SCD5: variants seen among roughly 807,000 people sequenced by gnomAD.
SCD5 encodes the protein acyl-CoA-desaturase 4.
In SCD5, 20 loss-of-function variants were observed where a neutral mutation model predicts 30.4. That is an observed-to-expected ratio of 0.66 (90% CI 0.46 to 0.96). SCD5 has a LOEUF of 0.96. Among genes scored for constraint, SCD5 ranks in the 40% least tolerant of loss-of-function variants. The pLI is 0.00. For missense variants in SCD5, 381 were observed against 443.3 expected (o/e 0.86, Z 1.26); for synonymous variants, 173 against 176.4 (o/e 0.98, Z 0.16).
chr4:82,771,130 C>A (rs1204027371), intron 1 of SCD5, among the ~76,000 whole-genome samples: 2 of 152,094 alleles, frequency 1.3e-5, no homozygotes, highest in African/African-American at 2.4e-5. Context: ...CCATGCCTGG[C>A]TAATGTTTTT....
At chr4:82,730,462 A>C (rs1720612340) in intron 1 of SCD5, among the ~76,000 whole-genome samples, 4 of 150,290 alleles carry the variant, frequency 2.7e-5, no homozygotes, top group Non-Finnish European at 5.9e-5. Context: ...ATGCCTGGCT[A>C]ATTTTTTGTA....
intron 2 of SCD5, among the ~76,000 whole-genome samples, chr4:82,687,581 A>G (rs1031993295): frequency 5.9e-5 from 9 of 152,152 alleles, no homozygotes; most frequent in African/African-American, 2.2e-4. Flanking sequence ...TAATCAACCA[A>G]TCACACGTCA....
intron 2 of SCD5, among the ~76,000 whole-genome samples, chr4:82,692,808 C>G (rs933322186): frequency 4.6e-5 from 7 of 152,232 alleles, no homozygotes; most frequent in Non-Finnish European, 1.0e-4. Context: ...CGCTGAGGAA[C>G]AGCAGCCCTC....
chr4:82,710,587 C>G (rs753911154), intron 1 of SCD5, among the ~76,000 whole-genome samples: 1 of 152,124 alleles, frequency 6.6e-6, no homozygotes, highest in Non-Finnish European at 1.5e-5. Context: ...GGGAAGCCAA[C>G]AGAGGGTGAA....
At chr4:82,754,478 T>C (rs888543484) in intron 1 of SCD5, among the ~76,000 whole-genome samples, 7 of 152,014 alleles carry the variant, frequency 4.6e-5, no homozygotes, top group African/African-American at 1.4e-4. Context: ...GTCTGGGTGG[T>C]CCTAAGAGGG....
chr4:82,733,988 C>T (rs1474821297), intron 1 of SCD5, among the ~76,000 whole-genome samples: 1 of 152,098 alleles, frequency 6.6e-6, no homozygotes, highest in Non-Finnish European at 1.5e-5. Flanking sequence ...AGAAAAATGG[C>T]CACTATTACA....
At chr4:82,655,172 T>G (rs1476303239) in intron 3 of SCD5, among the ~76,000 whole-genome samples, 1 of 152,244 alleles carries the variant, frequency 6.6e-6, no homozygotes. Flanking sequence ...TTCATAAGCA[T>G]GTGCCTTTTC....
Position 82,631,468 on chromosome 4 carries a change from C to T in SCD5, c.852G>A (p.Ala284=), listed in dbSNP as rs539845177. 12 of 1,613,998 alleles carry T rather than the reference C, an allele frequency of 7.4e-6. No individual in the cohort carries two copies. Among genetic ancestry groups the T allele is most frequent in the South Asian group, 5.5e-5 (5 of 91,078 alleles). ...GGTTAAAATTTAAGCCAAATTCACT[C>T]GCAGAGTAGTCAAAGGGAAAGGTGT... ...YHHTFPFDYS[A]SEFGLNFNPT... The change falls in exon 5 of 5, where the codon GCG becomes GCA. Residue 284 remains alanine (A), a synonymous_variant. Transcript: ENST00000319540.
At chr4:82,772,408 C>T (rs578209937) in intron 1 of SCD5, among the ~76,000 whole-genome samples, 1 of 152,320 alleles carries the variant, frequency 6.6e-6, no homozygotes, top group East Asian at 1.9e-4. Context: ...AGCACCCCAC[C>T]GTTCTGTCAA....
At chr4:82,660,706 T>C (rs1017983779) in intron 3 of SCD5, 101 of 1,441,318 alleles carry the variant, frequency 7.0e-5, no homozygotes, top group Non-Finnish European at 7.8e-5. Context: ...TACCTCCCCG[T>C]AGCTGCCTCC....
At chr4:82,735,182 G>A (rs542057270) in intron 1 of SCD5, among the ~76,000 whole-genome samples, 8 of 152,292 alleles carry the variant, frequency 5.3e-5, no homozygotes, top group Admixed American at 2.0e-4. Context: ...ATTCCCAGCC[G>A]AGGCCACTGT....
chr4:82,738,092 T>C (rs183626236), intron 1 of SCD5, among the ~76,000 whole-genome samples: 8 of 152,120 alleles, frequency 5.3e-5, no homozygotes, highest in East Asian at 1.9e-4. Context: ...ACAAAATACT[T>C]GATAAAAAAA....
At chr4:82,678,736 T>C (rs1728488580) in intron 3 of SCD5, among the ~76,000 whole-genome samples, 1 of 152,218 alleles carries the variant, frequency 6.6e-6, no homozygotes, top group African/African-American at 2.4e-5. Flanking sequence ...ATGCAAAATA[T>C]ATGAAATAGA....
intron 1 of SCD5, among the ~76,000 whole-genome samples, chr4:82,742,035 G>A (rs185615260): frequency 2.5e-3 from 373 of 148,666 alleles, no homozygotes; most frequent in Middle Eastern, 3.4e-3. Context: ...AGCCGAGATC[G>A]CACCACTGCA....
intron 1 of SCD5, among the ~76,000 whole-genome samples, chr4:82,774,588 C>T (rs1265901939): frequency 3.3e-5 from 5 of 152,260 alleles, no homozygotes; most frequent in East Asian, 1.9e-4. Flanking sequence ...TAAAATTCCT[C>T]GAAAAGAAAG....
At chr4:82,712,873 T>C (rs149629196) in intron 1 of SCD5, among the ~76,000 whole-genome samples, 99 of 152,366 alleles carry the variant, frequency 6.5e-4, no homozygotes, top group African/African-American at 2.3e-3. Flanking sequence ...AGTCTGGGTA[T>C]ACAAGGTTCA....
At chr4:82,758,208 A>G (rs1721271940) in intron 1 of SCD5, among the ~76,000 whole-genome samples, 1 of 152,184 alleles carries the variant, frequency 6.6e-6, no homozygotes. Flanking sequence ...CACATCTGTA[A>G]TCCCAACACT....
chr4:82,660,675 T>C, intron 3 of SCD5: 1 of 1,411,852 alleles, frequency 7.1e-7, no homozygotes, highest in South Asian at 1.6e-5. Flanking sequence ...CTGAAATCTT[T>C]TTGATTTTAG....
At chr4:82,784,379 A>G (rs923138217) in intron 1 of SCD5, among the ~76,000 whole-genome samples, 4 of 152,186 alleles carry the variant, frequency 2.6e-5, no homozygotes, top group African/African-American at 9.6e-5. Flanking sequence ...GAGTACACCT[A>G]AATCTGCAGT....
Sources: allele counts gnomAD v4.1 joint callset (sites outside exome capture counted in the v4.1 genomes callset), GRCh38; gene constraint gnomAD v4.1.1; transcripts MANE v1.5; gene names NCBI Gene and HGNC (gene_info 2026-07-23, HGNC 2026-07-21).